DYNLT5: variants seen among roughly 807,000 people sequenced by gnomAD.
DYNLT5 encodes dynein light chain Tctex-type family member 5.
DYNLT5 carries 25 observed loss-of-function variants against 19.3 expected under a neutral mutation model. That is an observed-to-expected ratio of 1.30 (90% CI 0.95 to 1.81). The LOEUF is 1.81. Among genes scored for constraint, DYNLT5 ranks in the 40% most tolerant of loss-of-function variants. DYNLT5 has a pLI of 0.00. For missense variants in DYNLT5, 232 were observed against 217.9 expected (o/e 1.06, Z -0.41); for synonymous variants, 82 against 68.9 (o/e 1.19, Z -0.94).
chr1:66,756,877 C>G lies in DYNLT5; in HGVS notation c.119+2100C>G, dbSNP rs547781957. ...CAGCCATTGCCCCATGTTGCTTCCCCATGGGGTACCCCGACTCCTTGCCTG... is the reference window on the plus strand; with the variant it reads ...CAGCCATTGCCCCATGTTGCTTCCCGATGGGGTACCCCGACTCCTTGCCTG... On this transcript the variant is annotated intron_variant, in intron 2 of 4. Coordinates refer to ENST00000282670, the MANE Select transcript of DYNLT5 (RefSeq NM_152665.3). Among the ~76,000 whole-genome samples the G allele has an allele frequency of 2.4e-3, 361 of 152,368 alleles. 3 individuals carry two copies. Among genetic ancestry groups the G allele is most frequent in the African/African-American group, 8.2e-3 (340 of 41,580 alleles).
At chr1:66,775,580 T>A (rs530501454) in intron 3 of DYNLT5, 1 of 152,298 alleles carries the variant, frequency 6.6e-6, no homozygotes, top group East Asian at 1.9e-4. Flanking sequence ...AACGCAGGTA[T>A]GCTTTAGCCA....
In DYNLT5 at chr1:66,777,372, A is replaced by C; in HGVS notation, c.458A>C (p.Lys153Thr). The C allele has an allele frequency of 2.5e-6, 4 of 1,613,980 alleles. No individual in the cohort carries two copies. The highest frequency in any genetic ancestry group is 3.4e-6 in the Non-Finnish European group (4 of 1,179,912). ...LIGSRCLWDP[K>T]SDTFSSYVFR... ...GGAAGCAGATGCCTCTGGGATCCTA[A>C]AAGTGATACCTTTTCATCTTATGTT... The change falls in exon 5 of 5, where the codon AAA becomes ACA. Residue 153 changes from lysine to threonine, a missense_variant. Coordinates refer to ENST00000282670, the MANE Select transcript of DYNLT5 (RefSeq NM_152665.3).
At chr1:66,759,248 A>G (rs2094641606) in intron 2 of DYNLT5, among the ~76,000 whole-genome samples, 1 of 152,190 alleles carries the variant, frequency 6.6e-6, no homozygotes, top group South Asian at 2.1e-4. Context: ...CTGGCCTCCT[A>G]CCTTATATGC....
intron 3 of DYNLT5, among the ~76,000 whole-genome samples, chr1:66,772,455 T>C (rs1473626212): frequency 1.3e-5 from 2 of 152,224 alleles, no homozygotes; most frequent in Admixed American, 1.3e-4. Context: ...TCCACCTTCC[T>C]GGCCCCAACA....
At chr1:66,769,292 C>T (rs1347095656) in intron 2 of DYNLT5, among the ~76,000 whole-genome samples, 1 of 152,042 alleles carries the variant, frequency 6.6e-6, no homozygotes, top group African/African-American at 2.4e-5. Context: ...AGTGGGTAAA[C>T]CCTAATTTAT....
At chr1:66,763,349 A>G (rs1229009270) in intron 2 of DYNLT5, among the ~76,000 whole-genome samples, 1 of 152,230 alleles carries the variant, frequency 6.6e-6, no homozygotes, top group African/African-American at 2.4e-5. Flanking sequence ...AGGATGGTAA[A>G]TGAGTATTGG....
Position 66,779,031 on chromosome 1 carries a change from A to G in DYNLT5, c.*1577A>G, listed in dbSNP as rs1428812915. Among the ~76,000 whole-genome samples the G allele has an allele frequency of 1.3e-5, 2 of 152,230 alleles. No homozygotes were observed. Among genetic ancestry groups the G allele is most frequent in the Non-Finnish European group, 2.9e-5 (2 of 68,030 alleles). On this transcript the variant is annotated 3_prime_UTR_variant, in exon 5 of 5. Transcript: ENST00000282670. ...TTGTATGAATAAATGAAAATGAAGAAACTTCTTTAACATATACAAAGTCTA... is the reference window on the plus strand; with the variant it reads ...TTGTATGAATAAATGAAAATGAAGAGACTTCTTTAACATATACAAAGTCTA...
intron 3 of DYNLT5, 166 bp from the exon 4 acceptor site, chr1:66,776,113 C>T: frequency 1.3e-6 from 1 of 782,350 alleles, no homozygotes; most frequent in Non-Finnish European, 1.9e-6. Context: ...TGTTCTCTCT[C>T]AGAGCACTTG....
chr1:66,752,536 T>TG lies in DYNLT5; in HGVS notation c.-51dup. On this transcript the variant is annotated 5_prime_UTR_variant, in exon 1 of 5. Transcript: ENST00000282670. ...CGGGAGCCGCGCCGCGCGCAGTGTC[T>TG]GCAGTGCCGGAGGTCTGGGAGGCTC... The TG allele has an allele frequency of 1.0e-6, 1 of 985,592 alleles. No homozygotes were observed. Among genetic ancestry groups the TG allele is most frequent in the Non-Finnish European group, 1.2e-6 (1 of 830,052 alleles). 61.1% of individuals were successfully genotyped at this position (985,592 alleles called of 1,614,324 possible).
At chr1:66,767,103 A>G (rs1010911229) in intron 2 of DYNLT5, among the ~76,000 whole-genome samples, 2 of 152,094 alleles carry the variant, frequency 1.3e-5, no homozygotes, top group Admixed American at 6.5e-5. Flanking sequence ...GTTCACCTAT[A>G]TAACAAACCT....
At position 66,752,497 on chromosome 1, in the gene DYNLT5, T is replaced by C; in HGVS notation, c.-91T>C. Reference sequence around the variant, plus strand: ...AGTGCGCGGGCGGCCGCCGGCTGAATGAAGCCTGGGACGCGGGAGCCGCGC... The same window carrying C: ...AGTGCGCGGGCGGCCGCCGGCTGAACGAAGCCTGGGACGCGGGAGCCGCGC... On this transcript the variant is annotated 5_prime_UTR_variant, in exon 1 of 5. It removes an upstream start codon present in the reference 5' UTR. Coordinates refer to ENST00000282670, the MANE Select transcript of DYNLT5 (RefSeq NM_152665.3). The C allele has an allele frequency of 2.0e-6, 2 of 985,528 alleles. No homozygotes were observed. Among genetic ancestry groups the C allele is most frequent in the Non-Finnish European group, 2.4e-6 (2 of 830,022 alleles). 61.0% of individuals were successfully genotyped at this position (985,528 alleles called of 1,614,324 possible). A position where few individuals can be genotyped will look rare whatever the true frequency, so the allele number is the denominator to read the frequency against.
At chr1:66,765,835 A>G (rs1008587857) in intron 2 of DYNLT5, among the ~76,000 whole-genome samples, 1 of 152,108 alleles carries the variant, frequency 6.6e-6, no homozygotes, top group Non-Finnish European at 1.5e-5. Flanking sequence ...CAGAATGCAT[A>G]CTATTGGATT....
chr1:66,758,151 C>T (rs1254698174), intron 2 of DYNLT5, among the ~76,000 whole-genome samples: 1 of 152,162 alleles, frequency 6.6e-6, no homozygotes, highest in Non-Finnish European at 1.5e-5. Flanking sequence ...TGAGTATTTT[C>T]ATTTCCTGAA....
chr1:66,764,019 T>C (rs567689805), intron 2 of DYNLT5, among the ~76,000 whole-genome samples: 117 of 152,012 alleles, frequency 7.7e-4, no homozygotes, highest in Non-Finnish European at 5.9e-4. Context: ...ACCCTGTCTG[T>C]ACAAAAAATT....
intron 3 of DYNLT5, among the ~76,000 whole-genome samples, chr1:66,772,951 T>G (rs1645212226): frequency 6.6e-6 from 1 of 152,196 alleles, no homozygotes; most frequent in Non-Finnish European, 1.5e-5. Flanking sequence ...TCTCAGTGTC[T>G]TCACTTGTAA....
intron 2 of DYNLT5, among the ~76,000 whole-genome samples, chr1:66,761,575 G>A (rs1163809385): frequency 6.6e-6 from 1 of 152,236 alleles, no homozygotes; most frequent in Non-Finnish European, 1.5e-5. Flanking sequence ...CGGCAGCCAG[G>A]GGTTCAAGAC....
intron 4 of DYNLT5, 114 bp downstream of exon 4, chr1:66,776,517 G>A (rs7541120): frequency 0.28 from 358,618 of 1,259,594 alleles, 54,369 homozygotes; most frequent in Non-Finnish European, 0.3. Flanking sequence ...GTTAAAATGC[G>A]TATTTATAAT....
intron 3 of DYNLT5, chr1:66,770,757 G>A: frequency 2.2e-6 from 1 of 462,068 alleles, no homozygotes; most frequent in Non-Finnish European, 4.0e-6. Context: ...AATTCACTGA[G>A]TATTTCTGGG....
intron 2 of DYNLT5, among the ~76,000 whole-genome samples, chr1:66,756,121 T>C (rs2094635589): frequency 6.6e-6 from 1 of 152,206 alleles, no homozygotes; most frequent in Non-Finnish European, 1.5e-5. Flanking sequence ...TATAAATACA[T>C]ATTAAAAATA....
Sources: allele counts gnomAD v4.1 joint callset (sites outside exome capture counted in the v4.1 genomes callset), GRCh38; gene constraint gnomAD v4.1.1; transcripts MANE v1.5; gene names NCBI Gene and HGNC (gene_info 2026-07-23, HGNC 2026-07-21).